Variants in SPOCK3 observed in about 807,000 individuals in gnomAD.
SPOCK3 encodes testican-3.
Under a neutral mutation model 56.6 loss-of-function variants are expected in SPOCK3, and 30 were observed. The ratio of observed to expected loss-of-function variants is 0.53; its 90% CI spans 0.40 to 0.72. The LOEUF is 0.72. Among genes scored for constraint, SPOCK3 ranks in the 30% least tolerant of loss-of-function variants. SPOCK3 has a pLI of 0.00. For missense variants in SPOCK3, 527 were observed against 530.0 expected (o/e 0.99, Z 0.06); for synonymous variants, 196 against 183.3 (o/e 1.07, Z -0.56).
intron 2 of SPOCK3, among the ~76,000 whole-genome samples, chr4:167,138,233 A>T (rs947281639): frequency 2.6e-5 from 4 of 151,984 alleles, no homozygotes; most frequent in African/African-American, 7.2e-5. Context: ...GTTCTAGAAT[A>T]GGGTATCATG....
chr4:166,818,010 A>G (rs1744550801), intron 6 of SPOCK3, among the ~76,000 whole-genome samples: 1 of 152,100 alleles, frequency 6.6e-6, no homozygotes, highest in Non-Finnish European at 1.5e-5. Context: ...CATTTTTTTA[A>G]ATTAAAAAAG....
rs1249849171 is a variant in SPOCK3, at chr4:167,151,167, T to C, written c.189+82818A>G. On this transcript the variant is annotated intron_variant, in intron 2 of 10. Coordinates refer to ENST00000357545, the MANE Select transcript of SPOCK3 (RefSeq NM_001040159.2). ...CCAAGATGAGCTAAATTAGAGTCTCTGGGGTAGGCCTCAGACATCAACAAC... is the reference window on the plus strand; with the variant it reads ...CCAAGATGAGCTAAATTAGAGTCTCCGGGGTAGGCCTCAGACATCAACAAC... 3.3e-5 allele frequency among the ~76,000 whole-genome samples: 5 copies of C among 152,320 alleles called. No homozygotes were observed. In the East Asian group the frequency reaches 7.7e-4, roughly 23 times the overall value.
intron 5 of SPOCK3, among the ~76,000 whole-genome samples, chr4:166,896,551 G>C (rs1735402469): frequency 6.6e-6 from 1 of 152,144 alleles, no homozygotes; most frequent in African/African-American, 2.4e-5. Flanking sequence ...GCCAAGCACA[G>C]GCTGTGTGGC....
At chr4:167,054,963 T>C (rs998516032) in intron 3 of SPOCK3, among the ~76,000 whole-genome samples, 2 of 151,922 alleles carry the variant, frequency 1.3e-5, no homozygotes, top group African/African-American at 4.9e-5. Context: ...ATTCATATTA[T>C]AAAATATTGA....
intron 6 of SPOCK3, among the ~76,000 whole-genome samples, chr4:166,856,509 C>G (rs1730684154): frequency 6.6e-6 from 1 of 152,068 alleles, no homozygotes; most frequent in South Asian, 2.1e-4. Flanking sequence ...GGCACGGTGG[C>G]TCACAGCTGT....
At chr4:166,815,657 A>T (rs931722538) in intron 6 of SPOCK3, among the ~76,000 whole-genome samples, 4 of 151,996 alleles carry the variant, frequency 2.6e-5, no homozygotes, top group African/African-American at 9.7e-5. Flanking sequence ...GTGGGCACCT[A>T]TAAGCCCAGC....
chr4:166,747,494 A>G (rs1284213719), intron 8 of SPOCK3, among the ~76,000 whole-genome samples: 3 of 152,202 alleles, frequency 2.0e-5, no homozygotes, highest in South Asian at 2.1e-4. Flanking sequence ...TCAAAATAAT[A>G]AGAGCTATTT....
chr4:166,847,646 T>TG (rs1380947686), intron 6 of SPOCK3, among the ~76,000 whole-genome samples: 2 of 80,972 alleles, frequency 2.5e-5, no homozygotes, highest in Non-Finnish European at 2.2e-5. Context: ...AAAATCCTAG[T>TG]TTATATATAT....
At chr4:167,116,553 T>A (rs2150356059) in intron 2 of SPOCK3, among the ~76,000 whole-genome samples, 1 of 120,412 alleles carries the variant, frequency 8.3e-6, no homozygotes, top group Admixed American at 8.5e-5. Context: ...AGTATATATA[T>A]GAGTATATAT....
intron 2 of SPOCK3, among the ~76,000 whole-genome samples, chr4:167,141,355 G>A (rs1763514422): frequency 6.6e-6 from 1 of 152,006 alleles, no homozygotes; most frequent in Non-Finnish European, 1.5e-5. Context: ...TAGAGCAACT[G>A]TTCCACAACA....
At chr4:166,849,893 T>C (rs1748499163) in intron 6 of SPOCK3, among the ~76,000 whole-genome samples, 1 of 152,204 alleles carries the variant, frequency 6.6e-6, no homozygotes, top group Admixed American at 6.5e-5. Context: ...TTCATCCATA[T>C]TGTAGCATGT....
chr4:166,884,744 G>A (rs915775624), intron 6 of SPOCK3, among the ~76,000 whole-genome samples: 7 of 151,918 alleles, frequency 4.6e-5, no homozygotes, highest in African/African-American at 1.2e-4. Context: ...ATAAACTTAA[G>A]TATATAGCTA....
At chr4:166,827,916 T>C (rs908313660) in intron 6 of SPOCK3, among the ~76,000 whole-genome samples, 1 of 152,002 alleles carries the variant, frequency 6.6e-6, no homozygotes, top group Admixed American at 6.6e-5. Context: ...ATATGCCTCA[T>C]ATATTACAGA....
chr4:166,824,002 T>G (rs2126770341), intron 6 of SPOCK3, among the ~76,000 whole-genome samples: 1 of 152,172 alleles, frequency 6.6e-6, no homozygotes, highest in Admixed American at 6.5e-5. Context: ...CCTAAGCTGC[T>G]GCTTCCAGGG....
chr4:166,926,268 A>G (rs1466626773), intron 4 of SPOCK3, among the ~76,000 whole-genome samples: 2 of 152,180 alleles, frequency 1.3e-5, no homozygotes, highest in African/African-American at 4.8e-5. Flanking sequence ...CAGTTTATGA[A>G]TTATTCATTG....
chr4:166,855,827 T>G (rs1730588398), intron 6 of SPOCK3, among the ~76,000 whole-genome samples: 1 of 152,192 alleles, frequency 6.6e-6, no homozygotes, highest in African/African-American at 2.4e-5. Flanking sequence ...CTACCAAGTT[T>G]CTAACACTTT....
intron 4 of SPOCK3, among the ~76,000 whole-genome samples, chr4:166,983,325 A>G (rs1267996596): frequency 6.6e-6 from 1 of 152,064 alleles, no homozygotes; most frequent in Non-Finnish European, 1.5e-5. Flanking sequence ...AATGAATATT[A>G]TCTTCACTCC....
chr4:166,838,429 A>C lies in SPOCK3; in HGVS notation c.590-46140T>G, dbSNP rs537447698. 1.9e-4 allele frequency among the ~76,000 whole-genome samples: 29 copies of C among 151,794 alleles called. 1 individual carries two copies. The highest frequency in any genetic ancestry group is 6.8e-4 in the African/African-American group (28 of 41,414). On this transcript the variant is annotated intron_variant, in intron 6 of 10. Coordinates refer to ENST00000357545, the MANE Select transcript of SPOCK3 (RefSeq NM_001040159.2). ...ATTTTATTACTCTATCTTTAAGTTC[A>C]CTGATTATTTTTTCCTTTGTCTCCT...
chr4:166,739,876 A>C (rs1169822027), intron 9 of SPOCK3, among the ~76,000 whole-genome samples: 1 of 152,332 alleles, frequency 6.6e-6, no homozygotes, highest in South Asian at 2.1e-4. Context: ...TTAAAAAACT[A>C]TAATTTATTC....
Sources: allele counts gnomAD v4.1 joint callset (sites outside exome capture counted in the v4.1 genomes callset), GRCh38; gene constraint gnomAD v4.1.1; transcripts MANE v1.5; gene names NCBI Gene and HGNC (gene_info 2026-07-23, HGNC 2026-07-21).